The following RABGAP1L variants were observed in gnomAD, a reference collection of about 807,000 sequenced individuals.
RABGAP1L encodes the protein RAB GTPase activating protein 1 like.
RABGAP1L carries 63 observed loss-of-function variants against 137.7 expected under a neutral mutation model. That is an observed-to-expected ratio of 0.46 (90% CI 0.37 to 0.56). The LOEUF is 0.56. RABGAP1L is among the 20% of genes least tolerant of loss of function. The pLI is 0.00. For missense variants in RABGAP1L, 1,095 were observed against 1,244.0 expected, an observed-to-expected ratio of 0.88 and a Z score of 1.80; for synonymous variants, 431 against 433.7, an observed-to-expected ratio of 0.99 and a Z score of 0.08.
chr1:174,274,455 G>A (rs763331503), intron 8 of RABGAP1L, among the ~76,000 whole-genome samples: 4 of 152,076 alleles, frequency 2.6e-5, no homozygotes, highest in African/African-American at 4.8e-5. Context: ...GTAACGTGCT[G>A]TACAAGTTTG....
At chr1:174,849,837 T>G (rs192656202) in intron 19 of RABGAP1L, 11 of 556,394 alleles carry the variant, frequency 2.0e-5, no homozygotes, top group Non-Finnish European at 3.9e-5. Flanking sequence ...AATTTTGCCT[T>G]TGGGAATGAT....
At chr1:174,419,712 C>T (rs969827826) in intron 13 of RABGAP1L, among the ~76,000 whole-genome samples, 6 of 151,996 alleles carry the variant, frequency 3.9e-5, no homozygotes, top group Non-Finnish European at 8.8e-5. Flanking sequence ...AAGTTACTTG[C>T]CTTATAAGGT....
intron 13 of RABGAP1L, among the ~76,000 whole-genome samples, chr1:174,577,363 A>G (rs866142219): frequency 9.9e-5 from 15 of 151,844 alleles, no homozygotes; most frequent in Middle Eastern, 3.4e-3. Context: ...CATATAGTCA[A>G]TGGAAGAATT....
intron 13 of RABGAP1L, among the ~76,000 whole-genome samples, chr1:174,436,411 ATGAGCATTT>A (rs2149213610): frequency 6.6e-6 from 1 of 152,282 alleles, no homozygotes; most frequent in South Asian, 2.1e-4. Flanking sequence ...GCCAGTCATG[ATGAGCATTT>A]TTTCATGTGT....
chr1:174,514,264 A>AC (rs1558298690), intron 13 of RABGAP1L, among the ~76,000 whole-genome samples: 1 of 151,378 alleles, frequency 6.6e-6, no homozygotes, highest in African/African-American at 2.4e-5. Context: ...AAAAAAAAAA[A>AC]AAAAAACTGG....
At chr1:174,642,454 A>G (rs1034543013) in intron 14 of RABGAP1L, among the ~76,000 whole-genome samples, 2 of 152,158 alleles carry the variant, frequency 1.3e-5, no homozygotes, top group Non-Finnish European at 2.9e-5. Flanking sequence ...ATCATACATT[A>G]TTTATATTGC....
chr1:174,597,800 G>C (rs1185706295), intron 13 of RABGAP1L, among the ~76,000 whole-genome samples: 1 of 151,960 alleles, frequency 6.6e-6, no homozygotes, highest in African/African-American at 2.4e-5. Context: ...TATAAACTTT[G>C]CTCTCAGTAT....
intron 19 of RABGAP1L, among the ~76,000 whole-genome samples, chr1:174,872,546 ATCTT>A (rs1218038687): frequency 7.3e-5 from 11 of 150,542 alleles, no homozygotes; most frequent in African/African-American, 1.2e-4. Flanking sequence ...ATAGAATTTT[ATCTT>A]TCTTATAGTT....
intron 3 of RABGAP1L, 62 bp downstream of exon 3, chr1:174,221,226 A>G: frequency 7.6e-7 from 1 of 1,307,998 alleles, no homozygotes. Flanking sequence ...TGAAAATTTT[A>G]AGATGAAAAT....
At chr1:174,230,039 A>G (rs1439129562) in intron 3 of RABGAP1L, among the ~76,000 whole-genome samples, 8 of 152,180 alleles carry the variant, frequency 5.3e-5, no homozygotes, top group Non-Finnish European at 1.0e-4. Context: ...AAAATGTGGC[A>G]CATATACACC....
intron 13 of RABGAP1L, among the ~76,000 whole-genome samples, chr1:174,477,166 A>G (rs1658590987): frequency 6.6e-6 from 1 of 152,222 alleles, no homozygotes; most frequent in African/African-American, 2.4e-5. Context: ...ACCAGATAAA[A>G]TGCTGAAAGT....
intron 13 of RABGAP1L, among the ~76,000 whole-genome samples, chr1:174,540,869 A>G (rs529399883): frequency 8.5e-5 from 13 of 152,200 alleles, no homozygotes; most frequent in East Asian, 7.7e-4. Flanking sequence ...CATTGAATCT[A>G]TAAATTACCT....
At chr1:174,597,366 C>G (rs1572447557) in intron 13 of RABGAP1L, among the ~76,000 whole-genome samples, 1 of 152,040 alleles carries the variant, frequency 6.6e-6, no homozygotes, top group African/African-American at 2.4e-5. Flanking sequence ...TGATAGGAGA[C>G]TTTTTATTAC....
At chr1:174,272,018 A>T (rs1347226330) in intron 7 of RABGAP1L, among the ~76,000 whole-genome samples, 1 of 151,892 alleles carries the variant, frequency 6.6e-6, no homozygotes, top group Non-Finnish European at 1.5e-5. Flanking sequence ...TCTTATTTTT[A>T]AAAACCTCGT....
intron 13 of RABGAP1L, among the ~76,000 whole-genome samples, chr1:174,579,760 G>A (rs570718513): frequency 6.6e-6 from 1 of 152,196 alleles, no homozygotes; most frequent in East Asian, 1.9e-4. Context: ...TCATGACTTT[G>A]GATTTGTTTT....
At chr1:174,389,359 C>T (rs1293961221) in intron 12 of RABGAP1L, among the ~76,000 whole-genome samples, 2 of 151,720 alleles carry the variant, frequency 1.3e-5, no homozygotes, top group Non-Finnish European at 2.9e-5. Context: ...CCACCTACTT[C>T]CACCTCCTAT....
intron 1 of RABGAP1L, among the ~76,000 whole-genome samples, chr1:174,207,524 T>C (rs928868537): frequency 6.6e-5 from 10 of 152,176 alleles, no homozygotes; most frequent in South Asian, 4.1e-4. Flanking sequence ...GGAAATCACA[T>C]AGCATGAGAA....
At chr1:174,449,090 G>T in intron 13 of RABGAP1L, 1 of 1,614,050 alleles carries the variant, frequency 6.2e-7, no homozygotes. Context: ...TTTCCGGCTA[G>T]GCCTCCGAAG....
intron 19 of RABGAP1L, among the ~76,000 whole-genome samples, chr1:174,843,049 C>T (rs1693592126): frequency 1.3e-5 from 2 of 151,974 alleles, no homozygotes; most frequent in Non-Finnish European, 2.9e-5. Context: ...ACAATTATTC[C>T]ATACTTAAAA....
Sources: gnomAD v4.1 joint callset for allele counts (sites outside exome capture counted in the v4.1 genomes callset) on GRCh38, gnomAD v4.1.1 for gene constraint, MANE v1.5 for transcripts, NCBI Gene and HGNC (gene_info 2026-07-23, HGNC 2026-07-21) for gene names.